Variants in ANO2 observed in about 807,000 individuals in gnomAD.
The protein encoded by ANO2 is anoctamin-2.
Under a neutral mutation model 124.2 loss-of-function variants are expected in ANO2, and 101 were observed. That is an observed-to-expected ratio of 0.81 (90% CI 0.69 to 0.96). The LOEUF is 0.96. Ranked by LOEUF, ANO2 falls within the 40% of genes least tolerant of loss-of-function variation. The pLI is 0.00. For missense variants in ANO2, 1,293 were observed against 1,274.5 expected (o/e 1.01, Z -0.22); for synonymous variants, 486 against 482.5 (o/e 1.01, Z -0.09).
In ANO2 at chr12:5,851,868, GAC is replaced by G. The variant is rs1315025696; in HGVS notation, c.633+2173_633+2174del. The G allele has an allele frequency of 5.7e-6, 4 of 703,972 alleles. No individual in the cohort carries two copies. The South Asian group carries it at 6.0e-5, about 11-fold the overall frequency. The allele number at this position is 703,972 out of a possible 1,614,324, so 43.6% of individuals were successfully genotyped here. ...AATAAGCAAGCGGAGGTTGAAAAAG[GAC>G]ACACTTTTCCTGTGTCTCTAGGTTT... is the stretch of plus-strand genomic sequence containing the variant. On this transcript the variant is annotated intron_variant, in intron 4 of 24. Transcript: ENST00000682330.
At chr12:5,878,236 G>A (rs555164729) in intron 3 of ANO2, among the ~76,000 whole-genome samples, 21 of 152,286 alleles carry the variant, frequency 1.4e-4, no homozygotes, top group East Asian at 9.7e-4. Context: ...CAATTCTTAC[G>A]ATAATGCTGT....
chr12:5,832,581 C>T lies in ANO2; in HGVS notation c.656G>A (p.Gly219Asp). Residue 219 changes from glycine to aspartate, a missense_variant, in exon 5 of 25, where the codon GGC becomes GAC. Coordinates refer to ENST00000682330, the MANE Select transcript of ANO2 (RefSeq NM_001364791.2). Reference protein sequence around the residue: ...TKKMYEIKAGGSIAKKFSAAL... With the variant: ...TKKMYEIKAGDSIAKKFSAAL... ...CGCGCTGAACTTCTTTGCAATGCTG[C>T]CTCCTGCTTTGATCTCGTACATCTA... is the stretch of plus-strand genomic sequence containing the variant. 1 of 1,613,630 alleles carries T rather than the reference C, an allele frequency of 6.2e-7. No individual in the cohort carries two copies. The highest frequency in any genetic ancestry group is 1.1e-5 in the South Asian group (1 of 91,054).
chr12:5,699,004 C>T (rs1364019573), intron 14 of ANO2, among the ~76,000 whole-genome samples: 1 of 152,306 alleles, frequency 6.6e-6, no homozygotes. Context: ...TGGAACCAAG[C>T]TGGAAAACAC....
At chr12:5,891,249 A>G (rs1939373080) in intron 3 of ANO2, among the ~76,000 whole-genome samples, 1 of 152,194 alleles carries the variant, frequency 6.6e-6, no homozygotes. Context: ...TAACACTCAG[A>G]AAGAGTGGAA....
intron 20 of ANO2, among the ~76,000 whole-genome samples, chr12:5,598,887 C>T (rs1943793243): frequency 6.6e-6 from 1 of 152,176 alleles, no homozygotes; most frequent in African/African-American, 2.4e-5. Flanking sequence ...ACATGTGCTC[C>T]TGCCTTCAAG....
intron 10 of ANO2, among the ~76,000 whole-genome samples, chr12:5,789,693 A>AT (rs567377127): frequency 3.3e-5 from 5 of 151,918 alleles, no homozygotes; most frequent in Non-Finnish European, 2.9e-5. Flanking sequence ...AGGTTTGTGT[A>AT]TTTTTTTTCC....
chr12:5,832,606 A>G lies in ANO2; in HGVS notation c.634-3T>C, dbSNP rs1954191796. 1 of 1,610,402 alleles carries G rather than the reference A, an allele frequency of 6.2e-7. No homozygotes were observed. The highest frequency in any genetic ancestry group is 1.3e-5 in the African/African-American group (1 of 74,834). ...CCTCCTGCTTTGATCTCGTACATCTATGAAAGGAAGAGCCACAGGTCTGAA... is the reference window on the plus strand; with the variant it reads ...CCTCCTGCTTTGATCTCGTACATCTGTGAAAGGAAGAGCCACAGGTCTGAA... On this transcript the variant is annotated splice_region_variant and splice_polypyrimidine_tract_variant and intron_variant, in intron 4 of 24. Coordinates refer to ENST00000682330, the MANE Select transcript of ANO2 (RefSeq NM_001364791.2).
intron 14 of ANO2, among the ~76,000 whole-genome samples, chr12:5,707,820 T>C (rs552579567): frequency 6.6e-6 from 1 of 152,392 alleles, no homozygotes; most frequent in South Asian, 2.1e-4. Flanking sequence ...GTAAACTGTC[T>C]TGTGTTCATT....
chr12:5,916,276 C>T (rs1395616170), intron 3 of ANO2, among the ~76,000 whole-genome samples: 2 of 151,046 alleles, frequency 1.3e-5, no homozygotes, highest in Non-Finnish European at 2.9e-5. Context: ...GGCCTGGTCT[C>T]AAAAATAAAT....
At chr12:5,706,828 A>G (rs926250974) in intron 14 of ANO2, among the ~76,000 whole-genome samples, 10 of 152,190 alleles carry the variant, frequency 6.6e-5, no homozygotes, top group African/African-American at 2.4e-4. Flanking sequence ...CTCCTAAGTT[A>G]TATGTGAATA....
intron 20 of ANO2, among the ~76,000 whole-genome samples, chr12:5,597,092 T>G (rs1943699576): frequency 2.0e-5 from 3 of 152,140 alleles, no homozygotes; most frequent in Admixed American, 2.0e-4. Flanking sequence ...TTTTAATGTT[T>G]TATTTCTCTT....
intron 7 of ANO2, among the ~76,000 whole-genome samples, chr12:5,819,601 G>C (rs1027924563): frequency 1.3e-5 from 2 of 152,194 alleles, no homozygotes; most frequent in Admixed American, 6.5e-5. Flanking sequence ...AGATCCAAAG[G>C]GTTAGGGAGA....
chr12:5,824,331 C>T (rs1047202147), intron 7 of ANO2, among the ~76,000 whole-genome samples: 7 of 152,170 alleles, frequency 4.6e-5, no homozygotes, highest in Admixed American at 6.5e-5. Flanking sequence ...TTAACAGCAC[C>T]CAAGTCGCCT....
chr12:5,674,194 A>C (rs1253364285), intron 14 of ANO2, among the ~76,000 whole-genome samples: 2 of 152,216 alleles, frequency 1.3e-5, no homozygotes, highest in Non-Finnish European at 2.9e-5. Context: ...GTAGACTATT[A>C]CCACTCTCCA....
intron 3 of ANO2, among the ~76,000 whole-genome samples, chr12:5,915,776 C>T (rs1458604890): frequency 6.6e-6 from 1 of 152,210 alleles, no homozygotes; most frequent in Non-Finnish European, 1.5e-5. Context: ...CTCACAGCCT[C>T]TAGCTGATGA....
At chr12:5,778,660 G>T (rs189835716) in intron 10 of ANO2, among the ~76,000 whole-genome samples, 130 of 152,258 alleles carry the variant, frequency 8.5e-4, no homozygotes, top group Non-Finnish European at 1.6e-3. Flanking sequence ...CAGACTCTTA[G>T]AAGCAATGAA....
intron 10 of ANO2, among the ~76,000 whole-genome samples, chr12:5,799,126 GGA>G (rs1426300657): frequency 6.6e-6 from 1 of 152,140 alleles, no homozygotes; most frequent in African/African-American, 2.4e-5. Flanking sequence ...ACCCTTTCCT[GGA>G]TCAACACTGG....
intron 7 of ANO2, among the ~76,000 whole-genome samples, chr12:5,824,587 C>G (rs1454636448): frequency 6.6e-6 from 1 of 152,198 alleles, no homozygotes. Flanking sequence ...CAACAAGTCT[C>G]TAGGAAGTTC....
intron 14 of ANO2, among the ~76,000 whole-genome samples, chr12:5,683,341 G>T (rs571565207): frequency 6.6e-6 from 1 of 152,292 alleles, no homozygotes; most frequent in Admixed American, 6.5e-5. Context: ...GGATGAAGTG[G>T]CAGAGGTCTT....
Sources: allele counts gnomAD v4.1 joint callset (sites outside exome capture counted in the v4.1 genomes callset), GRCh38; gene constraint gnomAD v4.1.1; transcripts MANE v1.5; gene names NCBI Gene and HGNC (gene_info 2026-07-23, HGNC 2026-07-21).